Variants in PAX9 observed in about 807,000 individuals in gnomAD.
PAX9 encodes paired box protein Pax-9.
Under a neutral mutation model 29.1 loss-of-function variants are expected in PAX9, and 6 were observed. The observed-to-expected ratio is 0.21, with a 90% confidence interval of 0.11 to 0.41. The LOEUF (loss-of-function observed/expected upper bound fraction) is 0.41. PAX9 is among the 10% of genes least tolerant of loss of function. The pLI is 1.00. For synonymous variants in PAX9, 217 were observed against 211.7 expected, an observed-to-expected ratio of 1.03 and a Z score of -0.22; for missense variants, 443 against 479.1, an observed-to-expected ratio of 0.92 and a Z score of 0.70.
At chr14:36,663,959 C>T (rs1005133619) in intron 2 of PAX9, among the ~76,000 whole-genome samples, 3 of 152,224 alleles carry the variant, frequency 2.0e-5, no homozygotes, top group Non-Finnish European at 2.9e-5. Context: ...GGGATCACTA[C>T]GGCCGGGAGA....
rs1566466372 is a variant in PAX9, at chr14:36,662,105, CG to C, written c.4+17del. 3.8e-6 allele frequency: 4 copies of C among 1,054,076 alleles called. No homozygotes were observed. In the Admixed American group the frequency reaches 1.6e-4, roughly 42 times the overall value. The allele number at this position is 1,054,076 out of a possible 1,614,324, so 65.3% of individuals were successfully genotyped here. On this transcript the variant is annotated intron_variant, in intron 1 of 3. Coordinates refer to ENST00000361487, the MANE Select transcript of PAX9 (RefSeq NM_001372076.1). ...GCTCGGAGCAATGGGTGAGTGGCGG[CG>C]GGGGACTCTGTCAGAGCCGGGAAGG...
At chr14:36,671,319 C>A (rs1302291827) in intron 3 of PAX9, among the ~76,000 whole-genome samples, 2 of 152,068 alleles carry the variant, frequency 1.3e-5, no homozygotes, top group African/African-American at 4.8e-5. Flanking sequence ...TTTGCCATAC[C>A]AGTTTTATGG....
At chr14:36,668,508 C>T (rs750519332) in intron 3 of PAX9, among the ~76,000 whole-genome samples, 7 of 152,202 alleles carry the variant, frequency 4.6e-5, no homozygotes, top group Admixed American at 1.3e-4. Flanking sequence ...CCTGCCTCAG[C>T]CTCCTGAGTA....
upstream of PAX9, chr14:36,657,897 G>C (rs535211587): frequency 6.6e-6 from 1 of 152,286 alleles, no homozygotes; most frequent in African/African-American, 2.4e-5. Context: ...AGTCCAGGCC[G>C]CAGGTCAGTG....
chr14:36,676,278 G>C lies in PAX9; in HGVS notation c.852G>C (p.Ser284=). 2 of 1,614,092 alleles carry C rather than the reference G, an allele frequency of 1.2e-6. No homozygotes were observed. Among genetic ancestry groups the C allele is most frequent in the Non-Finnish European group, 1.7e-6 (2 of 1,180,022 alleles). Residue 284 remains serine, a synonymous_variant, in exon 4 of 4, where the codon TCG becomes TCC. Coordinates refer to ENST00000361487, the MANE Select transcript of PAX9 (RefSeq NM_001372076.1). The part of the protein sequence containing the change: ...MAPYPTPAQV[S]PYMTYSAAPS... The stretch of plus-strand genomic sequence containing the variant: ...CTTACCCTACCCCAGCCCAAGTGTC[G>C]CCTTACATGACCTACAGTGCTGCTC...
upstream of PAX9, among the ~76,000 whole-genome samples, chr14:36,660,471 G>A (rs971311373): frequency 2.6e-5 from 4 of 152,154 alleles, no homozygotes; most frequent in Non-Finnish European, 5.9e-5. Context: ...TTTGAATTTA[G>A]AGTGCATCCT....
In PAX9 at chr14:36,677,204, T is replaced by A. The variant is rs1045569278; in HGVS notation, c.*752T>A. ...CCCTCTCTATTTTTTTCTTTCTTTT[T>A]TGCAAAGGTGACTTTCTGGCAACGT... is the stretch of plus-strand genomic sequence containing the variant. On this transcript the variant is annotated 3_prime_UTR_variant, in exon 4 of 4. Coordinates refer to ENST00000361487, the MANE Select transcript of PAX9 (RefSeq NM_001372076.1). 3.3e-5 allele frequency: 5 copies of A among 152,352 alleles called. No homozygotes were observed. The highest frequency in any genetic ancestry group is 1.2e-4 in the African/African-American group (5 of 41,418). 9.4% of individuals were successfully genotyped at this position (152,352 alleles called of 1,614,324 possible).
intron 3 of PAX9, among the ~76,000 whole-genome samples, chr14:36,671,352 A>G (rs1053556356): frequency 1.3e-5 from 2 of 152,146 alleles, no homozygotes; most frequent in Non-Finnish European, 2.9e-5. Context: ...TTTTGATACT[A>G]ACGTATTTTC....
intron 3 of PAX9, 73 bp from the exon 4 acceptor site, chr14:36,676,125 T>A: frequency 6.5e-7 from 1 of 1,536,640 alleles, no homozygotes; most frequent in Non-Finnish European, 9.0e-7. Flanking sequence ...TAAGTTCTGC[T>A]TCTTTCTAAG....
At chr14:36,667,251 G>A (rs1023469998) in intron 3 of PAX9, among the ~76,000 whole-genome samples, 2 of 147,984 alleles carry the variant, frequency 1.4e-5, no homozygotes, top group African/African-American at 5.3e-5. Flanking sequence ...ATACGGACTG[G>A]CTGTGGACCG....
In PAX9 at chr14:36,663,221, G is replaced by A. The variant is rs1051322345; in HGVS notation, c.329G>A (p.Gly110Asp). The change falls in exon 2 of 4, where the codon GGC (glycine) becomes GAC (aspartate). Residue 110 changes from glycine to aspartate, a missense_variant. Physicochemically the swap from Gly to Asp is moderately conservative, Grantham distance 94. This residue lies in a region of PAX9 where 107 missense variants were observed against 161.9 expected (regional missense o/e 0.66). Transcript: ENST00000361487. ...WEIRDRLLADGVCDKYNVPSV... is the reference protein window; with the variant it reads ...WEIRDRLLADDVCDKYNVPSV... ...ATCCGGGACCGCCTGCTGGCGGACG[G>A]CGTGTGCGACAAGTACAATGTGCCC... 6.2e-7 allele frequency: 1 copy of A among 1,614,048 alleles called. No individual in the cohort carries two copies. Among genetic ancestry groups the A allele is most frequent in the Non-Finnish European group, 8.5e-7 (1 of 1,180,046 alleles).
Position 36,677,739 on chromosome 14 carries a change from A to G in PAX9, c.*1287A>G, listed in dbSNP as rs760390621. 8 of 152,236 alleles carry G rather than the reference A, an allele frequency of 5.3e-5. No individual in the cohort carries two copies. Among genetic ancestry groups the G allele is most frequent in the Non-Finnish European group, 1.0e-4 (7 of 68,050 alleles). The allele number at this position is 152,236 out of a possible 1,614,324, so 9.4% of individuals were successfully genotyped here. A position where few individuals can be genotyped will look rare whatever the true frequency, so the allele number is the denominator to read the frequency against. On this transcript the variant is annotated 3_prime_UTR_variant, in exon 4 of 4. Coordinates refer to ENST00000361487, the MANE Select transcript of PAX9 (RefSeq NM_001372076.1). ...AACTGGTGGTGGTACTAGAAATACA[A>G]TGTTATTTAATTTTAACAAATTCCC...
At chr14:36,664,984 T>A (rs1404421569) in intron 2 of PAX9, among the ~76,000 whole-genome samples, 1 of 152,036 alleles carries the variant, frequency 6.6e-6, no homozygotes, top group East Asian at 1.9e-4. Context: ...AAGTGTGAGA[T>A]CAGCAGAAAT....
chr14:36,676,346 G>A lies in PAX9; in HGVS notation c.920G>A (p.Gly307Asp). 1 of 1,614,080 alleles carries A rather than the reference G, an allele frequency of 6.2e-7. No homozygotes were observed. The highest frequency in any genetic ancestry group is 1.7e-5 in the Admixed American group (1 of 60,006). ...VAGHGWQHAG[G>D]TSLSPHNCDI... Reference sequence around the variant, plus strand: ...GGACATGGGTGGCAACATGCTGGGGGCACCTCATTGTCTCCCCACAACTGT... The same window carrying A: ...GGACATGGGTGGCAACATGCTGGGGACACCTCATTGTCTCCCCACAACTGT... The change falls in exon 4 of 4, where the codon GGC becomes GAC. Residue 307 changes from glycine (G) to aspartate (D), a missense_variant. Physicochemically the swap from Gly to Asp is moderately conservative, Grantham distance 94. Transcript: ENST00000361487.
In PAX9 at chr14:36,678,755, G is replaced by C. The variant is rs1421851832; in HGVS notation, c.*2303G>C. 5.4e-6 allele frequency: 6 copies of C among 1,118,772 alleles called. No homozygotes were observed. The highest frequency in any genetic ancestry group is 4.5e-5 in the Admixed American group (1 of 22,304). 69.3% of individuals were successfully genotyped at this position (1,118,772 alleles called of 1,614,324 possible). A position where few individuals can be genotyped will look rare whatever the true frequency, so the allele number is the denominator to read the frequency against. On this transcript the variant is annotated 3_prime_UTR_variant, in exon 4 of 4. Coordinates refer to ENST00000361487, the MANE Select transcript of PAX9 (RefSeq NM_001372076.1). ...TTGTGCTATTTATAATTTTTTTCTGGTTCTTGTATTTTAAAAAATCTAATA... is the reference window on the plus strand; with the variant it reads ...TTGTGCTATTTATAATTTTTTTCTGCTTCTTGTATTTTAAAAAATCTAATA...
In PAX9 at chr14:36,674,313, G is replaced by C. The variant is rs150015027; in HGVS notation, c.772-1885G>C. Among the ~76,000 whole-genome samples, 615 of 152,290 alleles carry C rather than the reference G, an allele frequency of 4.0e-3. 1 individual carries two copies. The highest frequency in any genetic ancestry group is 0.014 in the African/African-American group (572 of 41,560). ...AGATGCACTAGTTTTAAATTAAATT[G>C]CATCTATCTTTTAAGTGTTCAGGAA... On this transcript the variant is annotated intron_variant, in intron 3 of 3. Transcript: ENST00000361487.
chr14:36,663,541 G>T lies in PAX9; in HGVS notation c.631+18G>T. ...CGACCAAGGTAGGGGCTCAGAGGCT[G>T]GGCGTGTGGATGTGCAGCGTCTGCC... is the stretch of plus-strand genomic sequence containing the variant. On this transcript the variant is annotated intron_variant, in intron 2 of 3. Transcript: ENST00000361487. The T allele has an allele frequency of 6.2e-7, 1 of 1,612,502 alleles. No homozygotes were observed. The highest frequency in any genetic ancestry group is 1.1e-5 in the South Asian group (1 of 91,038).
chr14:36,660,753 CTTGT>C (rs1165685503), upstream of PAX9, among the ~76,000 whole-genome samples: 3 of 152,198 alleles, frequency 2.0e-5, no homozygotes, highest in South Asian at 2.1e-4. Context: ...TATTTCTCTT[CTTGT>C]TTATTATTTT....
chr14:36,662,695 T>G, intron 1 of PAX9: 2 of 629,170 alleles, frequency 3.2e-6, no homozygotes, highest in Non-Finnish European at 2.7e-6. Flanking sequence ...ACGGCAGGAA[T>G]GAGGGAGGGG....
Sources: gnomAD v4.1 joint callset for allele counts (sites outside exome capture counted in the v4.1 genomes callset) on GRCh38, gnomAD v4.1.1 for gene constraint, gnomAD v4.1.1 regional missense constraint, MANE v1.5 for transcripts, NCBI Gene and HGNC (gene_info 2026-07-23, HGNC 2026-07-21) for gene names.